REPS2: variants seen among roughly 807,000 people sequenced by gnomAD.
The protein encoded by REPS2 is RALBP1 associated Eps domain containing 2, also known as ralBP1-associated Eps domain-containing protein 2.
A neutral mutation model predicts 53.6 loss-of-function variants in REPS2; 23 were observed. The ratio of observed to expected loss-of-function variants is 0.43; its 90% confidence interval spans 0.31 to 0.61. REPS2 has a LOEUF of 0.61. Ranked by LOEUF, REPS2 falls within the 20% of genes least tolerant of loss-of-function variation. The pLI is 0.11. For synonymous variants in REPS2, 238 were observed against 218.6 expected, an observed-to-expected ratio of 1.09 and a Z score of -0.78; for missense variants, 446 against 534.9, an observed-to-expected ratio of 0.83 and a Z score of 1.64.
rs946413894 is a variant in REPS2 at position 17,135,445 on chromosome X, C to T, written c.1808+39C>T. 4.3e-6 allele frequency: 5 copies of T among 1,172,854 alleles called. No homozygotes were observed. The African/African-American group carries it at 5.4e-5, about 13-fold the overall frequency. ...ATAAACAAGAGTGAGGTAGGAATCT[C>T]GCTCTGAGATGTCGACGGATATGTA... On this transcript the variant is annotated intron_variant, in intron 16 of 17. Coordinates refer to ENST00000357277, the MANE Select transcript of REPS2 (RefSeq NM_004726.3).
rs1170534904 is a variant in REPS2, at chrX:17,102,757, C to A, written c.1517-961C>A. 8.0e-5 allele frequency among the ~76,000 whole-genome samples: 9 copies of A among 112,297 alleles called. No homozygotes were observed. In the East Asian group the frequency reaches 2.5e-3, roughly 31 times the overall value. ...GGAAATCAAAAGTAATTTGCAAAAT[C>A]TTTTATGTTCTTTTATGTTCTTGGT... On this transcript the variant is annotated intron_variant, in intron 13 of 17. Transcript: ENST00000357277.
the REPS2 span, among the ~76,000 whole-genome samples, chrX:17,161,992 C>A: frequency 1.8e-3 from 203 of 112,104 alleles, 1 homozygote; most frequent in African/African-American, 6.2e-3. Context: ...TTCCCATCTT[C>A]CTCTCCCCAG....
intron 1 of REPS2, among the ~76,000 whole-genome samples, chrX:16,969,763 A>T (rs1318857723): frequency 1.6e-5 from 1 of 63,872 alleles, no homozygotes; most frequent in Non-Finnish European, 2.6e-5. Context: ...CGAGAGGGAG[A>T]GGGAGAGAGG....
chrX:17,062,300 A>G, intron 8 of REPS2, 138 bp from the exon 9 acceptor site: 1 of 448,040 alleles, frequency 2.2e-6, no homozygotes, highest in Non-Finnish European at 3.8e-6. Context: ...CTACCTCAGC[A>G]TGATGAATGC....
At chrX:17,068,313 C>CAA in intron 9 of REPS2, 89 bp from the exon 10 acceptor site, 70 of 575,234 alleles carry the variant, frequency 1.2e-4, no homozygotes, top group Non-Finnish European at 1.4e-4. Flanking sequence ...GACTCTGTCT[C>CAA]AAAAAAAAAA....
In REPS2 at chrX:17,050,141, CCTTTCTTTCTTTCTTTCTTT is replaced by C. The variant is rs774556038; in HGVS notation, c.908-2204_908-2185del. On this transcript the variant is annotated intron_variant, in intron 6 of 17. Coordinates refer to ENST00000357277, the MANE Select transcript of REPS2 (RefSeq NM_004726.3). ...TTTCTTCTTTCTTTCTTCCTTTCTT[CCTTTCTTTCTTTCTTTCTTT>C]CTTTCTTTCTTTCTTTCTTTCTTTC... Among the ~76,000 whole-genome samples the C allele has an allele frequency of 1.6e-3, 33 of 20,386 alleles. 1 individual carries two copies. Among genetic ancestry groups the C allele is most frequent in the African/African-American group, 4.6e-3 (29 of 6,281 alleles). 17.7% of individuals were successfully genotyped at this position (20,386 alleles called of 115,157 possible). A position where few individuals can be genotyped will look rare whatever the true frequency, so the allele number is the denominator to read the frequency against.
the REPS2 span, among the ~76,000 whole-genome samples, chrX:17,182,182 C>CTATCTATT: frequency 4.6e-5 from 5 of 109,173 alleles, no homozygotes; most frequent in African/African-American, 1.3e-4. Context: ...ATCTATCTAT[C>CTATCTATT]TATCTATCAT....
intron 1 of REPS2, among the ~76,000 whole-genome samples, chrX:16,977,366 G>C (rs771953337): frequency 9.0e-6 from 1 of 110,695 alleles, no homozygotes; most frequent in East Asian, 2.8e-4. Context: ...TTCTACTCTT[G>C]TCTGAAGAAT....
At position 17,025,088 on chromosome X, in the gene REPS2, C is replaced by T; in HGVS notation, c.576C>T (p.Pro192=). 3.3e-6 allele frequency: 4 copies of T among 1,211,442 alleles called. No individual in the cohort carries two copies. Among genetic ancestry groups the T allele is most frequent in the Non-Finnish European group, 3.4e-6 (3 of 895,368 alleles). The change falls in exon 4 of 18, where the codon CCC becomes CCT. Residue 192 remains proline, a synonymous_variant. Transcript: ENST00000357277. The stretch of plus-strand genomic sequence containing the variant: ...AAACACAGTCTCCCACGATGTCACC[C>T]CTCGCCTCCCCTCCTTCTTCCCCGC... ...QQETQSPTMS[P]LASPPSSPPH...
At chrX:17,120,951 C>T (rs1251041895) in intron 14 of REPS2, among the ~76,000 whole-genome samples, 1 of 111,991 alleles carries the variant, frequency 8.9e-6, no homozygotes, top group Non-Finnish European at 1.9e-5. Context: ...TAGGCCTCCC[C>T]ATCAGCCTTT....
At chrX:17,171,918 A>T in the REPS2 span, among the ~76,000 whole-genome samples, 1 of 111,308 alleles carries the variant, frequency 9.0e-6, no homozygotes, top group South Asian at 3.8e-4. Flanking sequence ...CACCCCTAGG[A>T]TGGGAGGTTG....
At chrX:17,132,621 T>G (rs1270921500) in intron 14 of REPS2, among the ~76,000 whole-genome samples, 1 of 112,937 alleles carries the variant, frequency 8.9e-6, no homozygotes, top group South Asian at 3.6e-4. Flanking sequence ...CACTGCAGCC[T>G]CCGCCTCCCG....
chrX:17,083,036 C>A (rs963983961), intron 13 of REPS2, among the ~76,000 whole-genome samples: 1 of 109,353 alleles, frequency 9.1e-6, no homozygotes, highest in Non-Finnish European at 1.9e-5. Context: ...TCTGCTACCA[C>A]CTCCTGGAAT....
At position 16,947,064 on chromosome X, in the gene REPS2, C is replaced by T; in HGVS notation, c.203C>T (p.Ala68Val). The change falls in exon 1 of 18, where the codon GCC becomes GTC. Residue 68 changes from alanine (A) to valine (V), a missense_variant. Transcript: ENST00000357277. ...PEAARVAPGT[A>V]TAAAGPVADL... ...GCCGCCAGAGTCGCCCCCGGCACGG[C>T]CACTGCGGCCGCCGGCCCCGTGGCT... is the stretch of plus-strand genomic sequence containing the variant. The T allele has an allele frequency of 1.9e-6, 2 of 1,054,455 alleles. No individual in the cohort carries two copies. The highest frequency in any genetic ancestry group is 2.4e-6 in the Non-Finnish European group (2 of 821,675). The allele number at this position is 1,054,455 out of a possible 1,213,427, so 86.9% of individuals were successfully genotyped here.
At chrX:16,965,081 G>C (rs1235944882) in intron 1 of REPS2, among the ~76,000 whole-genome samples, 3 of 92,650 alleles carry the variant, frequency 3.2e-5, no homozygotes, top group African/African-American at 1.2e-4. Flanking sequence ...CAGCTGGCCG[G>C]GCGGGGGGCT....
intron 13 of REPS2, among the ~76,000 whole-genome samples, chrX:17,084,931 T>C (rs1429796998): frequency 8.9e-6 from 1 of 112,279 alleles, no homozygotes; most frequent in Non-Finnish European, 1.9e-5. Context: ...GTGCTTTTGC[T>C]GTCATATCTA....
At chrX:16,997,109 A>G (rs2061243079) in intron 1 of REPS2, among the ~76,000 whole-genome samples, 1 of 112,263 alleles carries the variant, frequency 8.9e-6, no homozygotes, top group African/African-American at 3.2e-5. Context: ...ATTTGCGTTC[A>G]CCTGAGATTT....
chrX:17,035,013 A>T (rs1242502231), intron 5 of REPS2, among the ~76,000 whole-genome samples: 2 of 110,427 alleles, frequency 1.8e-5, no homozygotes, highest in Non-Finnish European at 1.9e-5. Flanking sequence ...CCTCCCCTAG[A>T]TATAACTGCA....
At chrX:16,999,812 C>T (rs1281352692) in intron 1 of REPS2, among the ~76,000 whole-genome samples, 2 of 108,390 alleles carry the variant, frequency 1.8e-5, no homozygotes, top group Admixed American at 9.9e-5. Context: ...TTTGGGAGGC[C>T]GAGGCGGGCG....
Sources: gnomAD v4.1 joint callset for allele counts (sites outside exome capture counted in the v4.1 genomes callset) on GRCh38, gnomAD v4.1.1 for gene constraint, MANE v1.5 for transcripts, NCBI Gene and HGNC (gene_info 2026-07-23, HGNC 2026-07-21) for gene names.